The following TTC39C variants were observed in gnomAD, a reference collection of about 807,000 sequenced individuals.
TTC39C encodes the protein tetratricopeptide repeat domain 39C, also known as tetratricopeptide repeat protein 39C.
In TTC39C, 33 loss-of-function variants were observed where a neutral mutation model predicts 76.3. The ratio of observed to expected loss-of-function variants is 0.43; its 90% confidence interval spans 0.33 to 0.58. The LOEUF is 0.58. Among genes scored for constraint, TTC39C ranks in the 20% least tolerant of loss-of-function variants. The probability of loss-of-function intolerance (pLI) is 0.04; values close to 1 mark genes in which losing one functional copy is unlikely to be tolerated. For synonymous variants in TTC39C, 254 were observed against 260.6 expected (o/e 0.97, Z 0.24); for missense variants, 595 against 701.4 (o/e 0.85, Z 1.71).
At chr18:24,007,111 C>T (rs547548392) in intron 1 of TTC39C, among the ~76,000 whole-genome samples, 1 of 152,166 alleles carries the variant, frequency 6.6e-6, no homozygotes, top group Non-Finnish European at 1.5e-5. Context: ...GCACAGAGTT[C>T]TGGGTTGAGA....
rs369797752 is a variant in TTC39C at position 24,024,403 on chromosome 18, A to G, written c.167+9365A>G. Reference sequence around the variant, plus strand: ...GATTGCACCCTTGTATAATGAAGAAATTTGGATTTAGGAGAAGGTGAGAAG... The same window carrying G: ...GATTGCACCCTTGTATAATGAAGAAGTTTGGATTTAGGAGAAGGTGAGAAG... On this transcript the variant is annotated intron_variant, in intron 1 of 13. Coordinates refer to ENST00000317571, the MANE Select transcript of TTC39C (RefSeq NM_001135993.2). Among the ~76,000 whole-genome samples the G allele has an allele frequency of 2.0e-4, 30 of 152,196 alleles. 1 individual carries two copies. The East Asian group carries it at 3.7e-3, about 19-fold the overall frequency.
In TTC39C at chr18:24,080,575, C is replaced by T. The variant is rs184410938; in HGVS notation, c.461-10C>T. 1.3e-4 allele frequency: 198 copies of T among 1,555,434 alleles called. No homozygotes were observed. The highest frequency in any genetic ancestry group is 1.5e-4 in the Non-Finnish European group (175 of 1,150,008). ...ATGTTTTTGAATCTTTTCTCCCCTT[C>T]TCTTTTTAGCTTATATCAAAGGTGG... On this transcript the variant is annotated splice_polypyrimidine_tract_variant and intron_variant, in intron 4 of 13. Transcript: ENST00000317571.
intron 1 of TTC39C, among the ~76,000 whole-genome samples, chr18:24,052,330 T>A (rs192237201): frequency 6.6e-6 from 1 of 152,316 alleles, no homozygotes; most frequent in African/African-American, 2.4e-5. Flanking sequence ...TTCTTGGTCA[T>A]CTTTGTGTCC....
intron 6 of TTC39C, among the ~76,000 whole-genome samples, chr18:24,088,692 T>C (rs928646386): frequency 6.6e-6 from 1 of 152,216 alleles, no homozygotes; most frequent in Non-Finnish European, 1.5e-5. Context: ...AGTGATAGGA[T>C]GTGCTTCCCC....
At chr18:24,125,645 A>T in intron 10 of TTC39C, 95 bp downstream of exon 10, 1 of 1,515,942 alleles carries the variant, frequency 6.6e-7, no homozygotes, top group Non-Finnish European at 9.0e-7. Flanking sequence ...TTTCATGTTT[A>T]TCTCATCGGA....
At chr18:24,021,678 A>G (rs1322560347) in intron 1 of TTC39C, among the ~76,000 whole-genome samples, 1 of 149,210 alleles carries the variant, frequency 6.7e-6, no homozygotes, top group African/African-American at 2.5e-5. Context: ...GCCTTTTCTT[A>G]TGTAAAGATG....
intron 1 of TTC39C, among the ~76,000 whole-genome samples, chr18:24,062,873 T>C (rs2084116646): frequency 6.6e-6 from 1 of 152,212 alleles, no homozygotes; most frequent in African/African-American, 2.4e-5. Context: ...TATTTGGCCT[T>C]GCCTGCAAAA....
At chr18:24,054,254 A>G (rs1007574332) in intron 1 of TTC39C, among the ~76,000 whole-genome samples, 4 of 152,180 alleles carry the variant, frequency 2.6e-5, no homozygotes, top group Non-Finnish European at 5.9e-5. Context: ...TGAATCACTC[A>G]TTCCCACATA....
chr18:24,026,745 C>T (rs963989439), intron 1 of TTC39C, among the ~76,000 whole-genome samples: 1 of 152,160 alleles, frequency 6.6e-6, no homozygotes, highest in Admixed American at 6.5e-5. Flanking sequence ...TCCACTTTGG[C>T]CTTCTTAGCA....
At chr18:24,012,659 T>C (rs1418965781), upstream of TTC39C, among the ~76,000 whole-genome samples, 2 of 152,156 alleles carry the variant, frequency 1.3e-5, no homozygotes, top group Non-Finnish European at 2.9e-5. Flanking sequence ...TCTCCCTTAT[T>C]GACTAGACTG....
intron 5 of TTC39C, among the ~76,000 whole-genome samples, chr18:24,082,081 G>A (rs759277942): frequency 8.8e-5 from 13 of 147,250 alleles, no homozygotes; most frequent in African/African-American, 3.3e-4. Flanking sequence ...GCAGTGGCGC[G>A]ATCTCGGCTC....
Position 24,130,404 on chromosome 18 carries a change from T to C in TTC39C, c.1610T>C (p.Leu537Ser). ...TGTTATGAACTTGGCTGTCTTCTAT[T>C]AGACAAACCAGAGGTAAGATCTTAT... ...YACYELGCLL[L>S]DKPETVGRGR... The change falls in exon 12 of 14, where the codon TTA becomes TCA. Residue 537 changes from leucine (L) to serine (S), a missense_variant. By Grantham distance (145) the Leu-to-Ser change is moderately radical. Transcript: ENST00000317571. 2 of 1,509,204 alleles carry C rather than the reference T, an allele frequency of 1.3e-6. No individual in the cohort carries two copies. Among genetic ancestry groups the C allele is most frequent in the Non-Finnish European group, 9.0e-7 (1 of 1,113,766 alleles). 93.5% of individuals were successfully genotyped at this position (1,509,204 alleles called of 1,614,324 possible).
intron 1 of TTC39C, among the ~76,000 whole-genome samples, chr18:24,046,681 T>C (rs1451787828): frequency 6.6e-6 from 1 of 151,916 alleles, no homozygotes; most frequent in African/African-American, 2.4e-5. Flanking sequence ...CATACTACTA[T>C]GAATGTTTTT....
At chr18:24,123,409 GTT>G (rs1555778351) in intron 8 of TTC39C, among the ~76,000 whole-genome samples, 2 of 137,652 alleles carry the variant, frequency 1.5e-5, no homozygotes, top group African/African-American at 5.0e-5. Context: ...TTGTTTGTTT[GTT>G]TGTTTGTTTT....
chr18:24,125,622 A>G, intron 10 of TTC39C, 72 bp downstream of exon 10: 1 of 1,575,214 alleles, frequency 6.3e-7, no homozygotes, highest in Non-Finnish European at 8.7e-7. Context: ...GGCATTCTTC[A>G]GTTTCCCGTT....
At position 24,132,591 on chromosome 18, in the gene TTC39C, G is replaced by T. The variant is rs201275114; in HGVS notation, c.*17G>T. On this transcript the variant is annotated 3_prime_UTR_variant, in exon 14 of 14. Coordinates refer to ENST00000317571, the MANE Select transcript of TTC39C (RefSeq NM_001135993.2). Reference sequence around the variant, plus strand: ...CCTCAGTGACAGACCCGGAACACCCGCTCCGTCCCTCCCCACCCAGGGTCC... The same window carrying T: ...CCTCAGTGACAGACCCGGAACACCCTCTCCGTCCCTCCCCACCCAGGGTCC... 7 of 1,603,308 alleles carry T rather than the reference G, an allele frequency of 4.4e-6. No homozygotes were observed. Among genetic ancestry groups the T allele is most frequent in the African/African-American group, 4.0e-5 (3 of 74,508 alleles).
intron 9 of TTC39C, 54 bp from the exon 10 acceptor site, chr18:24,125,373 T>G: frequency 6.2e-7 from 1 of 1,610,402 alleles, no homozygotes; most frequent in Non-Finnish European, 8.5e-7. Flanking sequence ...AGGTATATTT[T>G]TTATTTGAAT....
chr18:24,009,229 G>A (rs2083378013), intron 1 of TTC39C, among the ~76,000 whole-genome samples: 1 of 152,164 alleles, frequency 6.6e-6, no homozygotes, highest in East Asian at 1.9e-4. Flanking sequence ...CTAGTGGAAA[G>A]ATTTTTTTTG....
At position 23,997,177 on chromosome 18, in the gene TTC39C, G is replaced by A. The variant is rs369111274; in HGVS notation, c.-17+4139G>A. On this transcript the variant is annotated intron_variant, in intron 1 of 13. Coordinates refer to the TTC39C transcript ENST00000304621. ...CCTATCTGTAATCTCAGTGCTTTGGGAGGTCAAGGCAGGAAGATTGCCTGA... is the reference window on the plus strand; with the variant it reads ...CCTATCTGTAATCTCAGTGCTTTGGAAGGTCAAGGCAGGAAGATTGCCTGA... Among the ~76,000 whole-genome samples the A allele has an allele frequency of 4.7e-4, 72 of 152,270 alleles. 2 individuals carry two copies. In the South Asian group the frequency reaches 0.013, roughly 28 times the overall value.
Sources: allele counts gnomAD v4.1 joint callset (sites outside exome capture counted in the v4.1 genomes callset), GRCh38; gene constraint gnomAD v4.1.1; transcripts MANE v1.5; gene names NCBI Gene and HGNC (gene_info 2026-07-23, HGNC 2026-07-21).